Variants in SLC22A16 observed in about 807,000 individuals in gnomAD.
SLC22A16 encodes the protein solute carrier family 22 member 16.
A neutral mutation model predicts 52.9 loss-of-function variants in SLC22A16; 53 were observed. The observed-to-expected ratio is 1.00, with a 90% CI of 0.80 to 1.26. SLC22A16 has a LOEUF of 1.26. Ranked by LOEUF, SLC22A16 falls within the 50% of genes most tolerant of loss-of-function variation. The pLI is 0.00. For synonymous variants in SLC22A16, 291 were observed against 268.8 expected, an observed-to-expected ratio of 1.08 and a Z score of -0.81; for missense variants, 726 against 704.0, an observed-to-expected ratio of 1.03 and a Z score of -0.35.
intron 7 of SLC22A16, 85 bp from the exon 8 acceptor site, chr6:110,425,170 G>A: frequency 1.3e-6 from 2 of 1,560,120 alleles, no homozygotes; most frequent in Non-Finnish European, 1.7e-6. Context: ...ACTGTTTTCA[G>A]AGGGTAATGG....
intron 1 of SLC22A16, among the ~76,000 whole-genome samples, chr6:110,460,973 G>A (rs1775858547): frequency 6.6e-6 from 1 of 152,212 alleles, no homozygotes; most frequent in African/African-American, 2.4e-5. Context: ...ACATGGAGAG[G>A]GGACTATTTC....
At chr6:110,434,586 C>T (rs1444235601) in intron 6 of SLC22A16, among the ~76,000 whole-genome samples, 1 of 124,892 alleles carries the variant, frequency 8.0e-6, no homozygotes, top group Non-Finnish European at 1.6e-5. Context: ...CTGAGGTTCC[C>T]AGATCAGTGG....
At chr6:110,442,216 C>T (rs746069076) in intron 4 of SLC22A16, 28 bp downstream of exon 4, 1 of 1,591,616 alleles carries the variant, frequency 6.3e-7, no homozygotes, top group Non-Finnish European at 8.6e-7. Context: ...ACTTCACTGC[C>T]AAATTTAAAT....
intron 1 of SLC22A16, among the ~76,000 whole-genome samples, chr6:110,471,019 C>T (rs1776242189): frequency 6.6e-6 from 1 of 152,212 alleles, no homozygotes. Flanking sequence ...CAGGGGACCA[C>T]ATGCACCGCC....
intron 2 of SLC22A16, 57 bp from the exon 3 acceptor site, chr6:110,447,047 C>A (rs954033734): frequency 5.9e-6 from 8 of 1,352,288 alleles, no homozygotes; most frequent in Admixed American, 5.8e-5. Flanking sequence ...ACAGTTTAAA[C>A]ATCCACTCCA....
intron 1 of SLC22A16, 58 bp from the exon 2 acceptor site, chr6:110,457,075 A>G: frequency 6.7e-7 from 1 of 1,485,624 alleles, no homozygotes; most frequent in Non-Finnish European, 9.0e-7. Context: ...AAAGAACATA[A>G]GCAAATTTGA....
At chr6:110,458,686 G>A (rs889163073) in intron 1 of SLC22A16, among the ~76,000 whole-genome samples, 1 of 152,180 alleles carries the variant, frequency 6.6e-6, no homozygotes, top group Non-Finnish European at 1.5e-5. Flanking sequence ...ACTAAGTAGA[G>A]ATCACCCTCA....
intron 1 of SLC22A16, among the ~76,000 whole-genome samples, chr6:110,463,763 T>C (rs1026322904): frequency 3.3e-5 from 5 of 151,878 alleles, no homozygotes; most frequent in Non-Finnish European, 2.9e-5. Flanking sequence ...GATCTGTCGA[T>C]TTGATTATAT....
chr6:110,472,281 T>C (rs1776286048), intron 1 of SLC22A16, among the ~76,000 whole-genome samples: 1 of 152,110 alleles, frequency 6.6e-6, no homozygotes, highest in Admixed American at 6.5e-5. Flanking sequence ...GCTAAAACTG[T>C]CTGGTTCTCC....
chr6:110,457,212 C>A (rs1775696624), intron 1 of SLC22A16, among the ~76,000 whole-genome samples, 195 bp from the exon 2 acceptor site: 2 of 152,074 alleles, frequency 1.3e-5, no homozygotes, highest in South Asian at 4.2e-4. Context: ...CTGAGAAGGC[C>A]TAGAAGCAAT....
At chr6:110,453,380 T>G (rs1264823218) in intron 2 of SLC22A16, among the ~76,000 whole-genome samples, 1 of 152,208 alleles carries the variant, frequency 6.6e-6, no homozygotes, top group African/African-American at 2.4e-5. Context: ...AAATAATTTA[T>G]GAGAATCCTC....
At position 110,476,281 on chromosome 6, in the gene SLC22A16, G is replaced by A. The variant is rs560002424; in HGVS notation, c.53+241C>T. ...ACCAGGTCCCTCCTGCCCGGCAACA[G>A]GCGCACTCCGAGCGAGCCCAGCGCC... On this transcript the variant is annotated intron_variant, in intron 1 of 7. Transcript: ENST00000368919. 4.6e-4 allele frequency: 592 copies of A among 1,278,228 alleles called. 1 individual carries two copies. In the African/African-American group the frequency reaches 8.1e-3, roughly 17 times the overall value. The allele number at this position is 1,278,228 out of a possible 1,614,324, so 79.2% of individuals were successfully genotyped here.
chr6:110,438,471 T>G (rs1420383826), intron 5 of SLC22A16, among the ~76,000 whole-genome samples: 1 of 152,082 alleles, frequency 6.6e-6, no homozygotes, highest in Non-Finnish European at 1.5e-5. Flanking sequence ...GGATTATAAG[T>G]GTGAGTCATT....
intron 6 of SLC22A16, among the ~76,000 whole-genome samples, chr6:110,432,948 C>T (rs1465221812): frequency 6.6e-6 from 1 of 152,230 alleles, no homozygotes; most frequent in Non-Finnish European, 1.5e-5. Flanking sequence ...CACTGGGTGA[C>T]AGATAGGGCC....
chr6:110,458,625 G>C (rs2114996658), intron 1 of SLC22A16, among the ~76,000 whole-genome samples: 1 of 152,332 alleles, frequency 6.6e-6, no homozygotes, highest in Non-Finnish European at 1.5e-5. Context: ...CATTATTTCT[G>C]GGTGTGTCTG....
At chr6:110,444,447 A>G (rs186609440) in intron 3 of SLC22A16, among the ~76,000 whole-genome samples, 221 of 152,322 alleles carry the variant, frequency 1.5e-3, no homozygotes, top group Non-Finnish European at 2.5e-3. Context: ...TCATTATGTG[A>G]TTATCCTTGC....
Position 110,438,706 on chromosome 6 carries a change from A to C in SLC22A16, c.1311+14T>G. The C allele has an allele frequency of 6.2e-7, 1 of 1,607,178 alleles. No homozygotes were observed. The highest frequency in any genetic ancestry group is 2.2e-5 in the East Asian group (1 of 44,820). On this transcript the variant is annotated intron_variant, in intron 5 of 7. Coordinates refer to ENST00000368919, the MANE Select transcript of SLC22A16 (RefSeq NM_033125.4). ...ACAGTATAACTGTCTTATAAAAAAC[A>C]GAAGATAACTCACCTGGGGGATCAC...
At chr6:110,469,780 G>C (rs1776198528) in intron 1 of SLC22A16, among the ~76,000 whole-genome samples, 2 of 152,182 alleles carry the variant, frequency 1.3e-5, no homozygotes, top group African/African-American at 4.8e-5. Context: ...AGTTGTCTCT[G>C]CTTTGCTAAA....
At chr6:110,456,188 TC>T in intron 2 of SLC22A16, 1 of 241,378 alleles carries the variant, frequency 4.1e-6, no homozygotes, top group Admixed American at 5.1e-5. Flanking sequence ...TGATTATATG[TC>T]CAGGGTACTT....
Sources: gnomAD v4.1 joint callset for allele counts (sites outside exome capture counted in the v4.1 genomes callset) on GRCh38, gnomAD v4.1.1 for gene constraint, MANE v1.5 for transcripts, NCBI Gene and HGNC (gene_info 2026-07-23, HGNC 2026-07-21) for gene names.